Variants in POLA1 observed in about 807,000 individuals in gnomAD.
POLA1 encodes DNA polymerase alpha catalytic subunit.
In POLA1, 15 loss-of-function variants were observed where a neutral mutation model predicts 124.0. That is an observed-to-expected ratio of 0.12 (90% confidence interval 0.08 to 0.19). POLA1 has a LOEUF of 0.19. Among genes scored for constraint, POLA1 ranks in the 10% least tolerant of loss-of-function variants. The pLI is 1.00. For synonymous variants in POLA1, 408 were observed against 389.4 expected (o/e 1.05, Z -0.56); for missense variants, 886 against 1,103.4 (o/e 0.80, Z 2.79).
chrX:24,868,516 G>A (rs1336095706), intron 34 of POLA1, among the ~76,000 whole-genome samples: 2 of 112,030 alleles, frequency 1.8e-5, no homozygotes, highest in Non-Finnish European at 3.8e-5. Context: ...TTGAGAAGAG[G>A]CAAGAGAGTA....
intron 35 of POLA1, among the ~76,000 whole-genome samples, chrX:24,913,708 C>T (rs1198210547): frequency 1.0e-5 from 1 of 96,607 alleles, no homozygotes; most frequent in Non-Finnish European, 2.0e-5. Flanking sequence ...GAGCAAAACT[C>T]TGTCTCAAAA....
intron 36 of POLA1, among the ~76,000 whole-genome samples, chrX:24,944,390 C>A (rs926835096): frequency 1.8e-5 from 2 of 110,551 alleles, no homozygotes; most frequent in South Asian, 3.9e-4. Context: ...TATGCCCCCC[C>A]ACCCCCTGTC....
Position 24,707,054 on chromosome X carries a change from A to G in POLA1, c.346+2585A>G, listed in dbSNP as rs946790531. ...CATCTTCCTGGTTCTGCCAACCTGT[A>G]TAATGTGGAAATTTTCTACACTGGT... On this transcript the variant is annotated intron_variant, in intron 4 of 36. Transcript: ENST00000379068. Among the ~76,000 whole-genome samples, 7 of 112,250 alleles carry G rather than the reference A, an allele frequency of 6.2e-5. No homozygotes were observed. In the East Asian group the frequency reaches 1.1e-3, roughly 18 times the overall value.
intron 34 of POLA1, among the ~76,000 whole-genome samples, chrX:24,865,328 T>C (rs985939135): frequency 2.7e-5 from 3 of 112,208 alleles, no homozygotes; most frequent in African/African-American, 9.7e-5. Context: ...GTAAGGGCCC[T>C]TTGTATTCTC....
At chrX:24,887,502 A>T (rs751668045) in intron 34 of POLA1, among the ~76,000 whole-genome samples, 105 of 112,339 alleles carry the variant, frequency 9.3e-4, no homozygotes, top group African/African-American at 3.4e-3. Flanking sequence ...AATCCTAGAC[A>T]CTCTAAATGT....
In POLA1 at chrX:24,727,800, T is replaced by C. The variant is rs1185627349; in HGVS notation, c.1550T>C (p.Val517Ala). The C allele has an allele frequency of 8.3e-7, 1 of 1,206,230 alleles. No individual in the cohort carries two copies. Among genetic ancestry groups the C allele is most frequent in the Non-Finnish European group, 1.1e-6 (1 of 891,566 alleles). The change falls in exon 15 of 37, where the codon GTC becomes GCC. Residue 517 changes from valine (V) to alanine (A), a missense_variant. Val to Ala is a moderately conservative substitution (Grantham distance 64). This residue lies in a region of POLA1 where 337 missense variants were observed against 402.8 expected (regional missense o/e 0.84). Coordinates refer to ENST00000379068, the MANE Select transcript of POLA1 (RefSeq NM_001330360.2). ...CTTTCAGAGCTCTTGAATCAGCCAG[T>C]CAGTTGGTGTAAAGTTGAGGCAATG... ...VKSPQLLNQPVSWCKVEAMAL... is the reference protein window; with the variant it reads ...VKSPQLLNQPASWCKVEAMAL...
At chrX:24,905,647 C>G (rs1404433490) in intron 35 of POLA1, among the ~76,000 whole-genome samples, 1 of 103,783 alleles carries the variant, frequency 9.6e-6, no homozygotes, top group African/African-American at 3.5e-5. Flanking sequence ...ACTGCAACCT[C>G]CGGTCCCCGG....
chrX:24,920,161 C>A (rs1392588803), intron 35 of POLA1, among the ~76,000 whole-genome samples: 1 of 110,640 alleles, frequency 9.0e-6, no homozygotes, highest in African/African-American at 3.3e-5. Flanking sequence ...CCTCACCCCC[C>A]ACAAATTTTG....
chrX:24,853,450 G>T (rs974717178), intron 34 of POLA1, among the ~76,000 whole-genome samples: 9 of 111,836 alleles, frequency 8.0e-5, no homozygotes, highest in African/African-American at 2.9e-4. Flanking sequence ...ATTTACCCAT[G>T]CATGATTTTG....
chrX:24,839,647 G>A (rs911974820), intron 32 of POLA1, among the ~76,000 whole-genome samples: 1 of 111,998 alleles, frequency 8.9e-6, no homozygotes, highest in Non-Finnish European at 1.9e-5. Flanking sequence ...GGCCAATTTT[G>A]TATATGTGCA....
chrX:24,700,071 A>C (rs1179498612), intron 2 of POLA1, among the ~76,000 whole-genome samples: 1 of 104,079 alleles, frequency 9.6e-6, no homozygotes, highest in Non-Finnish European at 2.0e-5. Context: ...CAGGTCAAAA[A>C]CAGAGTGGCC....
At chrX:24,922,084 C>CT (rs1385474736) in intron 35 of POLA1, among the ~76,000 whole-genome samples, 1 of 110,551 alleles carries the variant, frequency 9.0e-6, no homozygotes, top group Non-Finnish European at 1.9e-5. Context: ...AAAACCCCCC[C>CT]TTTTTTTGAG....
chrX:24,876,169 T>C (rs1185893424), intron 34 of POLA1, among the ~76,000 whole-genome samples: 1 of 112,219 alleles, frequency 8.9e-6, no homozygotes, highest in East Asian at 2.8e-4. Flanking sequence ...GATCTCTGAG[T>C]ATAAAGTGGT....
chrX:24,899,116 G>T lies in POLA1; in HGVS notation c.4164+10994G>T, dbSNP rs184526598. ...CTGTGACAAACTCTGTGGGTTTCCT[G>T]CTGCGGACCTTTTCCTACTAAGAAC... is the stretch of plus-strand genomic sequence containing the variant. On this transcript the variant is annotated intron_variant, in intron 35 of 36. Coordinates refer to ENST00000379068, the MANE Select transcript of POLA1 (RefSeq NM_001330360.2). 2.1e-4 allele frequency among the ~76,000 whole-genome samples: 23 copies of T among 111,888 alleles called. No homozygotes were observed. In the East Asian group the frequency reaches 6.4e-3, roughly 31 times the overall value.
chrX:24,743,899 T>C (rs1348163462), intron 23 of POLA1, among the ~76,000 whole-genome samples: 1 of 107,068 alleles, frequency 9.3e-6, no homozygotes, highest in Non-Finnish European at 1.9e-5. Context: ...CTTTTTTTCT[T>C]TTTTTTTTTT....
intron 26 of POLA1, among the ~76,000 whole-genome samples, chrX:24,754,274 G>A (rs1602337136): frequency 9.2e-6 from 1 of 108,701 alleles, no homozygotes; most frequent in Non-Finnish European, 1.9e-5. Context: ...TGGGGGGCAG[G>A]GGGGCAGAGT....
intron 36 of POLA1, among the ~76,000 whole-genome samples, chrX:24,932,278 A>T (rs185767651): frequency 1.8e-5 from 2 of 112,433 alleles, no homozygotes; most frequent in Non-Finnish European, 3.8e-5. Flanking sequence ...CCTCTTCCCT[A>T]TACGGCTCTA....
chrX:24,726,886 A>C, intron 13 of POLA1, 47 bp from the exon 14 acceptor site: 1 of 1,036,721 alleles, frequency 9.6e-7, no homozygotes, highest in Non-Finnish European at 1.3e-6. Context: ...GAAAATGCAA[A>C]GTAATAGTTT....
intron 27 of POLA1, 44 bp downstream of exon 27, chrX:24,809,974 C>T: frequency 1.2e-6 from 1 of 830,931 alleles, no homozygotes; most frequent in Non-Finnish European, 1.7e-6. Flanking sequence ...AATATCATAA[C>T]TGGTAACGTT....
Sources: allele counts gnomAD v4.1 joint callset (sites outside exome capture counted in the v4.1 genomes callset), GRCh38; gene constraint gnomAD v4.1.1; regional missense constraint gnomAD v4.1.1; transcripts MANE v1.5; gene names NCBI Gene and HGNC (gene_info 2026-07-23, HGNC 2026-07-21).